The following UTS2B variants were observed in gnomAD, a reference collection of about 807,000 sequenced individuals.
UTS2B encodes the protein urotensin-2B.
A neutral mutation model predicts 19.2 loss-of-function variants in UTS2B; 21 were observed. The ratio of observed to expected loss-of-function variants is 1.09; its 90% CI spans 0.78 to 1.58. The LOEUF (loss-of-function observed/expected upper bound fraction) is 1.58. Ranked by LOEUF, UTS2B falls within the 40% of genes most tolerant of loss-of-function variation. The probability of loss-of-function intolerance (pLI) is 0.00; values close to 1 mark genes in which losing one functional copy is unlikely to be tolerated. For synonymous variants in UTS2B, 57 were observed against 50.2 expected (o/e 1.14, Z -0.58); for missense variants, 138 against 130.3 (o/e 1.06, Z -0.29).
intron 8 of UTS2B, among the ~76,000 whole-genome samples, chr3:191,270,018 G>C (rs987903361): frequency 4.3e-4 from 66 of 152,204 alleles, no homozygotes; most frequent in Non-Finnish European, 1.0e-4. Flanking sequence ...CATGATGCTA[G>C]GAGTTGGACA....
chr3:191,334,022 G>A (rs1718066993), upstream of UTS2B, among the ~76,000 whole-genome samples: 1 of 152,036 alleles, frequency 6.6e-6, no homozygotes, highest in African/African-American at 2.4e-5. Flanking sequence ...TTTTCTAAAT[G>A]CTATTTTGTG....
chr3:191,277,527 G>A (rs1188833536), intron 6 of UTS2B: 1 of 151,948 alleles, frequency 6.6e-6, no homozygotes, highest in African/African-American at 2.4e-5. Flanking sequence ...ATTTCTTGGA[G>A]GACAATCTCA....
intron 3 of UTS2B, among the ~76,000 whole-genome samples, chr3:191,308,028 G>C (rs1412659489): frequency 1.3e-5 from 2 of 151,998 alleles, no homozygotes; most frequent in Admixed American, 6.6e-5. Flanking sequence ...TAAGGGCGGG[G>C]TTTCACTAAG....
In UTS2B at chr3:191,267,504, G is replaced by GCTCT. The variant is rs1226493577; in HGVS notation, c.*908_*911dup. The GCTCT allele has an allele frequency of 2.0e-5, 3 of 152,212 alleles. No individual in the cohort carries two copies. The highest frequency in any genetic ancestry group is 7.2e-5 in the African/African-American group (3 of 41,456). 9.4% of individuals were successfully genotyped at this position (152,212 alleles called of 1,614,324 possible). On this transcript the variant is annotated 3_prime_UTR_variant, in exon 9 of 9. Transcript: ENST00000340524. Reference sequence around the variant, plus strand: ...GGCCAGTAGCCCGCAATGCAACGGGGCTCTTTGTTCCCAGGCGGATCAGCA... The same window carrying GCTCT: ...GGCCAGTAGCCCGCAATGCAACGGGGCTCTCTCTTTGTTCCCAGGCGGATCAGCA...
At chr3:191,335,004 A>G (rs975596523), upstream of UTS2B, among the ~76,000 whole-genome samples, 2 of 152,178 alleles carry the variant, frequency 1.3e-5, no homozygotes, top group African/African-American at 4.8e-5. Flanking sequence ...CTTCTCTGGT[A>G]TATTCATTCT....
chr3:191,281,946 T>C (rs1397524863), intron 5 of UTS2B, 141 bp downstream of exon 5: 4 of 638,896 alleles, frequency 6.3e-6, no homozygotes, highest in Non-Finnish European at 1.1e-5. Context: ...GACCAGCAAC[T>C]ACTTAAGGGA....
At chr3:191,343,831 A>G in the UTS2B span, among the ~76,000 whole-genome samples, 1 of 152,184 alleles carries the variant, frequency 6.6e-6, no homozygotes, top group South Asian at 2.1e-4. Context: ...TACCAGTTGT[A>G]TTTCAAGAAT....
intron 4 of UTS2B, among the ~76,000 whole-genome samples, chr3:191,283,099 G>T (rs1716433994): frequency 6.6e-6 from 1 of 152,146 alleles, no homozygotes; most frequent in African/African-American, 2.4e-5. Context: ...ATACACTGCA[G>T]CACATGATGG....
At chr3:191,273,720 C>T (rs993530259) in intron 8 of UTS2B, among the ~76,000 whole-genome samples, 1 of 152,194 alleles carries the variant, frequency 6.6e-6, no homozygotes, top group African/African-American at 2.4e-5. Context: ...CTATTTCAAC[C>T]TTTCTCTTGT....
chr3:191,291,914 T>C (rs1716731349), intron 4 of UTS2B, among the ~76,000 whole-genome samples: 1 of 150,936 alleles, frequency 6.6e-6, no homozygotes, highest in African/African-American at 2.4e-5. Context: ...AGATGTATGG[T>C]TTTATTTCTG....
intron 8 of UTS2B, among the ~76,000 whole-genome samples, chr3:191,272,585 G>A (rs1265460194): frequency 6.6e-6 from 1 of 152,190 alleles, no homozygotes; most frequent in African/African-American, 2.4e-5. Flanking sequence ...GCTTGGCTGG[G>A]CATGGTGGCT....
chr3:191,274,097 A>G lies in UTS2B; in HGVS notation c.334+1155T>C, dbSNP rs928109444. ...AGCCTGGGCAGTGAAACTCCGTCTC[A>G]AAGAAAAAAAAAAAGCCACTAAATT... is the stretch of plus-strand genomic sequence containing the variant. On this transcript the variant is annotated intron_variant, in intron 8 of 8. Transcript: ENST00000340524. Among the ~76,000 whole-genome samples, 3 of 149,586 alleles carry G rather than the reference A, an allele frequency of 2.0e-5. No individual in the cohort carries two copies. The Admixed American group carries it at 2.0e-4, about 10-fold the overall frequency.
At chr3:191,338,349 ACT>A in the UTS2B span, among the ~76,000 whole-genome samples, 1 of 152,050 alleles carries the variant, frequency 6.6e-6, no homozygotes. Context: ...ACTGTGAAAG[ACT>A]CTTTTTGTCT....
chr3:191,330,294 A>AC (rs1316322194), intron 1 of UTS2B, 120 bp downstream of exon 1: 1 of 104,120 alleles, frequency 9.6e-6, no homozygotes, highest in African/African-American at 4.5e-5. Context: ...TCTTACAAAC[A>AC]AAACACACAC....
intron 8 of UTS2B, chr3:191,273,410 G>A (rs1201708586): frequency 4.4e-6 from 2 of 450,624 alleles, no homozygotes; most frequent in Non-Finnish European, 8.9e-6. Flanking sequence ...GTTGGTGGTA[G>A]TCCCAGTGAC....
chr3:191,322,619 A>C (rs1218187491), intron 2 of UTS2B, among the ~76,000 whole-genome samples: 2 of 152,226 alleles, frequency 1.3e-5, no homozygotes, highest in Admixed American at 1.3e-4. Context: ...AGAAAACTAT[A>C]ATAGCTGAAG....
At chr3:191,345,342 C>T in the UTS2B span, among the ~76,000 whole-genome samples, 3 of 152,188 alleles carry the variant, frequency 2.0e-5, no homozygotes, top group African/African-American at 7.2e-5. Context: ...TTTATGGTAG[C>T]TGAGTCAGAT....
chr3:191,324,124 G>A (rs116597562), intron 2 of UTS2B, among the ~76,000 whole-genome samples: 2,211 of 152,174 alleles, frequency 0.015, 55 homozygotes, highest in African/African-American at 0.051. Flanking sequence ...TCATTGGAGT[G>A]GGACTGGAGG....
At position 191,329,749 on chromosome 3, in the gene UTS2B, C is replaced by T. The variant is rs752316047; in HGVS notation, c.-665+665G>A. 3.1e-6 allele frequency: 5 copies of T among 1,600,760 alleles called. No individual in the cohort carries two copies. In the South Asian group the frequency reaches 3.4e-5, roughly 11 times the overall value. On this transcript the variant is annotated intron_variant, in intron 1 of 8. Coordinates refer to ENST00000340524, the MANE Select transcript of UTS2B (RefSeq NM_198152.5). Reference sequence around the variant, plus strand: ...GTAAGGGCCCCGGAGGGAGAGCGCGCGGGACCCTCCCCTCTCCCAGCCCGA... The same window carrying T: ...GTAAGGGCCCCGGAGGGAGAGCGCGTGGGACCCTCCCCTCTCCCAGCCCGA...
Sources: allele counts gnomAD v4.1 joint callset (sites outside exome capture counted in the v4.1 genomes callset), GRCh38; gene constraint gnomAD v4.1.1; transcripts MANE v1.5; gene names NCBI Gene and HGNC (gene_info 2026-07-23, HGNC 2026-07-21).